RBFOX1: variants seen among roughly 807,000 people sequenced by gnomAD.
The protein encoded by RBFOX1 is RNA binding fox-1 homolog 1.
A neutral mutation model predicts 57.7 loss-of-function variants in RBFOX1; 8 were observed. The ratio of observed to expected loss-of-function variants is 0.14; its 90% CI spans 0.08 to 0.25. The LOEUF (loss-of-function observed/expected upper bound fraction) is 0.25, where lower values mean the gene tolerates loss of function less well. Among genes scored for constraint, RBFOX1 ranks in the 10% least tolerant of loss-of-function variants. The pLI, the probability that RBFOX1 is intolerant of heterozygous loss-of-function variation, is 1.00. For missense variants in RBFOX1, 611 were observed against 548.5 expected, an observed-to-expected ratio of 1.11 and a Z score of -1.14; for synonymous variants, 326 against 222.4, an observed-to-expected ratio of 1.47 and a Z score of -4.15.
intron 2 of RBFOX1, among the ~76,000 whole-genome samples, chr16:6,542,219 C>T (rs1041275266): frequency 6.6e-6 from 1 of 152,078 alleles, no homozygotes; most frequent in South Asian, 2.1e-4. Context: ...AGCTACTTTG[C>T]CCCACCAACA....
At chr16:5,840,960 G>A (rs897444533) in intron 3 of RBFOX1, among the ~76,000 whole-genome samples, 2 of 152,192 alleles carry the variant, frequency 1.3e-5, no homozygotes, top group South Asian at 2.1e-4. Context: ...CTATTGCAGG[G>A]GTAGTGAACC....
chr16:5,325,341 T>C (rs147556011), intron 1 of RBFOX1, among the ~76,000 whole-genome samples: 1 of 152,318 alleles, frequency 6.6e-6, no homozygotes, highest in East Asian at 1.9e-4. Flanking sequence ...TGTATCTGCA[T>C]TTACTTTTCT....
intron 1 of RBFOX1, among the ~76,000 whole-genome samples, chr16:6,033,170 C>T (rs559356741): frequency 6.6e-6 from 1 of 152,190 alleles, no homozygotes; most frequent in South Asian, 2.1e-4. Context: ...AAAATGAGGG[C>T]CTCTATACAG....
At chr16:6,867,625 A>G (rs1326739420) in intron 3 of RBFOX1, among the ~76,000 whole-genome samples, 1 of 152,148 alleles carries the variant, frequency 6.6e-6, no homozygotes, top group East Asian at 1.9e-4. Context: ...AGGCTCAGGC[A>G]GCAGGATCGC....
chr16:7,522,159 C>T (rs1409508241), intron 5 of RBFOX1, among the ~76,000 whole-genome samples: 4 of 152,166 alleles, frequency 2.6e-5, no homozygotes, highest in Non-Finnish European at 5.9e-5. Context: ...GATGAGATGC[C>T]TTCAGAATAA....
chr16:6,231,930 A>G lies in RBFOX1; in HGVS notation c.-126-85065A>G, dbSNP rs1010590092. ...TAAATACATCAAAACAATAGTCTGT[A>G]CACTTACTTCAAAGGGATCAAATAA... On this transcript the variant is annotated intron_variant, in intron 1 of 15. Coordinates refer to ENST00000550418, the MANE Select transcript of RBFOX1 (RefSeq NM_018723.4). 8.1e-5 allele frequency among the ~76,000 whole-genome samples: 12 copies of G among 148,438 alleles called. No homozygotes were observed. The South Asian group carries it at 2.3e-3, about 29-fold the overall frequency.
chr16:6,551,584 AATTG>A (rs1197107083), intron 2 of RBFOX1, among the ~76,000 whole-genome samples: 4 of 152,184 alleles, frequency 2.6e-5, no homozygotes, highest in African/African-American at 4.8e-5. Context: ...ATTATGACAT[AATTG>A]ATCTGAAGGG....
At chr16:6,894,536 C>G (rs929416107) in intron 3 of RBFOX1, among the ~76,000 whole-genome samples, 8 of 152,160 alleles carry the variant, frequency 5.3e-5, no homozygotes, top group African/African-American at 1.7e-4. Context: ...ACTAGAGGTA[C>G]TCCCAAAGTG....
chr16:6,873,064 C>A (rs772784886), intron 3 of RBFOX1, among the ~76,000 whole-genome samples: 19 of 151,706 alleles, frequency 1.3e-4, no homozygotes, highest in Non-Finnish European at 2.4e-4. Context: ...CTATGCAAAG[C>A]CACCCAAACT....
At chr16:5,804,509 G>A (rs1027975553) in intron 3 of RBFOX1, among the ~76,000 whole-genome samples, 11 of 152,160 alleles carry the variant, frequency 7.2e-5, no homozygotes, top group Non-Finnish European at 1.0e-4. Flanking sequence ...TTCCTAAACT[G>A]ATAAATCTGA....
chr16:5,315,942 C>T (rs2064225601), intron 1 of RBFOX1, among the ~76,000 whole-genome samples: 1 of 152,124 alleles, frequency 6.6e-6, no homozygotes, highest in South Asian at 2.1e-4. Context: ...GCGCATAAGA[C>T]AGAACTTTTG....
chr16:5,865,614 T>C (rs1402543136), intron 3 of RBFOX1, among the ~76,000 whole-genome samples: 2 of 152,198 alleles, frequency 1.3e-5, no homozygotes, highest in Non-Finnish European at 2.9e-5. Context: ...GCCAGGTCAG[T>C]GGGAGCTGCA....
intron 10 of RBFOX1, among the ~76,000 whole-genome samples, chr16:7,608,072 G>T (rs1398444410): frequency 2.0e-5 from 3 of 152,154 alleles, no homozygotes; most frequent in Non-Finnish European, 2.9e-5. Context: ...GAACAAGGCT[G>T]CATTGAATAC....
At chr16:7,349,647 AG>A (rs2097091090) in intron 4 of RBFOX1, among the ~76,000 whole-genome samples, 1 of 152,020 alleles carries the variant, frequency 6.6e-6, no homozygotes, top group Non-Finnish European at 1.5e-5. Flanking sequence ...GAGGCTGAGG[AG>A]GGTTGGGTTC....
intron 3 of RBFOX1, among the ~76,000 whole-genome samples, chr16:7,023,751 C>G (rs1357743239): frequency 6.6e-6 from 1 of 152,014 alleles, no homozygotes; most frequent in Non-Finnish European, 1.5e-5. Context: ...TTATCAATCC[C>G]TGTGTTCTTT....
At chr16:6,929,293 G>T (rs2076132053) in intron 3 of RBFOX1, among the ~76,000 whole-genome samples, 1 of 152,134 alleles carries the variant, frequency 6.6e-6, no homozygotes, top group African/African-American at 2.4e-5. Context: ...AACTGGGGAA[G>T]CTCTGGTAAA....
chr16:6,581,554 G>A lies in RBFOX1; in HGVS notation c.-63-73049G>A, dbSNP rs149115242. Reference sequence around the variant, plus strand: ...CAAACCGTAGGTGAGTGCCAACAGGGGATGGCCCCTTCCTGGGCAGAAGGC... The same window carrying A: ...CAAACCGTAGGTGAGTGCCAACAGGAGATGGCCCCTTCCTGGGCAGAAGGC... On this transcript the variant is annotated intron_variant, in intron 2 of 15. Transcript: ENST00000550418. Among the ~76,000 whole-genome samples the A allele has an allele frequency of 2.0e-5, 3 of 152,256 alleles. No homozygotes were observed. The East Asian group carries it at 5.8e-4, about 30-fold the overall frequency.
intron 3 of RBFOX1, among the ~76,000 whole-genome samples, chr16:6,662,563 G>T (rs1458269016): frequency 6.6e-6 from 1 of 151,952 alleles, no homozygotes; most frequent in Non-Finnish European, 1.5e-5. Context: ...CATGGATATG[G>T]TATCAAATCA....
At chr16:5,324,273 G>T (rs1433244570) in intron 1 of RBFOX1, among the ~76,000 whole-genome samples, 1 of 152,170 alleles carries the variant, frequency 6.6e-6, no homozygotes, top group East Asian at 1.9e-4. Flanking sequence ...AACCAGCCCG[G>T]CCAACATGGT....
Sources: gnomAD v4.1 joint callset for allele counts (sites outside exome capture counted in the v4.1 genomes callset) on GRCh38, gnomAD v4.1.1 for gene constraint, MANE v1.5 for transcripts, NCBI Gene and HGNC (gene_info 2026-07-23, HGNC 2026-07-21) for gene names.